The following PRCD variants were observed in gnomAD, a reference collection of about 807,000 sequenced individuals.
PRCD encodes the protein photoreceptor disc component, also known as photoreceptor disk component PRCD.
Under a neutral mutation model 10.1 loss-of-function variants are expected in PRCD, and 12 were observed. The ratio of observed to expected loss-of-function variants is 1.18; its 90% CI spans 0.76 to 1.92. PRCD has a LOEUF of 1.92. Ranked by LOEUF, PRCD falls within the 40% of genes most tolerant of loss-of-function variation. The pLI, the probability that PRCD is intolerant of heterozygous loss-of-function variation, is 0.00. For synonymous variants in PRCD, 31 were observed against 26.2 expected, an observed-to-expected ratio of 1.18 and a Z score of -0.56; for missense variants, 61 against 72.2, an observed-to-expected ratio of 0.84 and a Z score of 0.56.
intron 1 of PRCD, among the ~76,000 whole-genome samples, chr17:76,532,832 C>T (rs571055016): frequency 5.3e-5 from 8 of 152,286 alleles, no homozygotes; most frequent in South Asian, 2.1e-4. Context: ...CCACCACGCC[C>T]GGCCGACAAT....
chr17:76,530,039 G>T lies in PRCD; in HGVS notation n.45+2206G>T. ...AGCTGTGCCTGTGAACAGAAGGGCC[G>T]GCAGTCTTGGGGGCCCGTGCAGAGC... is the stretch of plus-strand genomic sequence containing the variant. On this transcript the variant is annotated intron_variant and non_coding_transcript_variant, in intron 1 of 4. Coordinates refer to the PRCD transcript ENST00000397633. The surrounding 1 kb of genome is among the most constrained non-coding windows in gnomAD (Gnocchi z 6.1). The T allele has an allele frequency of 1.0e-6, 1 of 985,426 alleles. No homozygotes were observed. The highest frequency in any genetic ancestry group is 4.7e-5 in the South Asian group (1 of 21,294). The allele number at this position is 985,426 out of a possible 1,614,324, so 61.0% of individuals were successfully genotyped here.
rs1289467698 is a variant in PRCD at position 76,543,865 on chromosome 17, G to C, written c.*215G>C. 3 of 471,030 alleles carry C rather than the reference G, an allele frequency of 6.4e-6. No individual in the cohort carries two copies. In the Admixed American group the frequency reaches 7.0e-5, roughly 11 times the overall value. The allele number at this position is 471,030 out of a possible 1,614,324, so 29.2% of individuals were successfully genotyped here. On this transcript the variant is annotated 3_prime_UTR_variant, in exon 5 of 5. Coordinates refer to ENST00000592014, the MANE Select transcript of PRCD (RefSeq NM_001077620.3). ...AATTATCAATAAGAAATGCCAGTTG[G>C]ATCTGTGACATGTCTGCCTGCAGCT...
intron 1 of PRCD, chr17:76,529,040 TTG>T: frequency 1.2e-6 from 1 of 808,832 alleles, no homozygotes; most frequent in South Asian, 6.2e-5. Context: ...CCTGCAGTCA[TTG>T]CGCCCCCCCC....
At chr17:76,543,005 A>G in intron 3 of PRCD, 24 bp from the exon 4 acceptor site, 1 of 484,326 alleles carries the variant, frequency 2.1e-6, no homozygotes, top group East Asian at 6.6e-5. Context: ...AGAAGTGCTG[A>G]TCTGCTCTGG....
Position 76,531,223 on chromosome 17 carries a change from T to G in PRCD, n.45+3390T>G. 2 of 1,428,820 alleles carry G rather than the reference T, an allele frequency of 1.4e-6. No homozygotes were observed. The highest frequency in any genetic ancestry group is 1.3e-5 in the South Asian group (1 of 78,848). The allele number at this position is 1,428,820 out of a possible 1,614,324, so 88.5% of individuals were successfully genotyped here. A position where few individuals can be genotyped will look rare whatever the true frequency, so the allele number is the denominator to read the frequency against. Reference sequence around the variant, plus strand: ...CCCCCAGGCCCCTCCGCCCCACGTGTGGCCGAGAGGATCATTCCTAACGCA... The same window carrying G: ...CCCCCAGGCCCCTCCGCCCCACGTGGGGCCGAGAGGATCATTCCTAACGCA... On this transcript the variant is annotated intron_variant and non_coding_transcript_variant, in intron 1 of 4. Coordinates refer to the PRCD transcript ENST00000397633. The surrounding 1 kb of genome is among the most constrained non-coding windows in gnomAD (Gnocchi z 7.4).
chr17:76,538,072 T>A (rs2074942593), upstream of PRCD: 1 of 152,752 alleles, frequency 6.5e-6, no homozygotes, highest in South Asian at 2.0e-4. Context: ...CGGGTCCCAG[T>A]GCTTGCGGCG....
rs986012220 is a variant in PRCD at position 76,528,168 on chromosome 17, A to G, written n.45+335A>G. ...TTTATATATAGCTCGTATATAGAAT[A>G]TATCTGTATATATGGTAGATGTGTG... On this transcript the variant is annotated intron_variant and non_coding_transcript_variant, in intron 1 of 4. Coordinates refer to the PRCD transcript ENST00000397633. The surrounding 1 kb of genome is among the most constrained non-coding windows in gnomAD (Gnocchi z 5.8). 3.1e-5 allele frequency: 12 copies of G among 392,896 alleles called. No homozygotes were observed. The highest frequency in any genetic ancestry group is 1.4e-4 in the South Asian group (1 of 7,226). 24.3% of individuals were successfully genotyped at this position (392,896 alleles called of 1,614,324 possible).
At chr17:76,545,956 G>A (rs1598217122), downstream of PRCD, 2 of 157,830 alleles carry the variant, frequency 1.3e-5, no homozygotes, top group African/African-American at 2.4e-5. Context: ...CATTGCTGGG[G>A]TGGGGAAGCC....
chr17:76,528,451 T>A lies in PRCD; in HGVS notation n.45+618T>A. 1 of 935,452 alleles carries A rather than the reference T, an allele frequency of 1.1e-6. No individual in the cohort carries two copies. Among genetic ancestry groups the A allele is most frequent in the Admixed American group, 4.3e-5 (1 of 23,316 alleles). The allele number at this position is 935,452 out of a possible 1,614,324, so 57.9% of individuals were successfully genotyped here. On this transcript the variant is annotated intron_variant and non_coding_transcript_variant, in intron 1 of 4. Coordinates refer to the PRCD transcript ENST00000397633. This position sits in a 1 kb window ranked among gnomAD's most constrained non-coding sequence, Gnocchi z 5.8. The stretch of plus-strand genomic sequence containing the variant: ...GACCCTGGCCGCCACAGAGGCCTCC[T>A]TCGGGGAAGTTGAGTCAGGGATTCC...
chr17:76,536,896 C>T (rs1001683357), upstream of PRCD, among the ~76,000 whole-genome samples: 29 of 152,206 alleles, frequency 1.9e-4, no homozygotes, highest in African/African-American at 6.8e-4. Context: ...CCCCCGGGCT[C>T]TCCTCTTTCT....
rs2074846530 is a variant in PRCD at position 76,531,708 on chromosome 17, G to C, written n.45+3875G>C. On this transcript the variant is annotated intron_variant and non_coding_transcript_variant, in intron 1 of 4. Transcript: ENST00000397633. The surrounding 1 kb of genome is among the most constrained non-coding windows in gnomAD (Gnocchi z 7.4). ...ACAAAGAACCTGGCAAGAGGAACAG[G>C]GGTGGTCGCTGAAGCTGGAGGCTGC... is the stretch of plus-strand genomic sequence containing the variant. 1 of 1,572,204 alleles carries C rather than the reference G, an allele frequency of 6.4e-7. No homozygotes were observed.
Position 76,540,590 on chromosome 17 carries a change from G to T in PRCD, c.143+17G>T, listed in dbSNP as rs778402370. On this transcript the variant is annotated intron_variant, in intron 2 of 4. Coordinates refer to ENST00000592014, the MANE Select transcript of PRCD (RefSeq NM_001077620.3). This position sits in a 1 kb window ranked among gnomAD's most constrained non-coding sequence, Gnocchi z 5.0. Reference sequence around the variant, plus strand: ...CTCAGGCAGGTAAGGCAGGAGTCTGGGCTGGGGGAGGGAGGGTGCTGCCAA... The same window carrying T: ...CTCAGGCAGGTAAGGCAGGAGTCTGTGCTGGGGGAGGGAGGGTGCTGCCAA... 6.2e-7 allele frequency: 1 copy of T among 1,612,168 alleles called. No homozygotes were observed. The highest frequency in any genetic ancestry group is 2.2e-5 in the East Asian group (1 of 44,866).
chr17:76,532,118 G>GTCA, intron 1 of PRCD: 1 of 166,354 alleles, frequency 6.0e-6, no homozygotes, highest in Admixed American at 5.5e-5. Flanking sequence ...CTTTCATGAA[G>GTCA]TCATGCTTAT....
At chr17:76,552,630 G>A (rs945241402) in intron 1 of PRCD, among the ~76,000 whole-genome samples, 1 of 151,832 alleles carries the variant, frequency 6.6e-6, no homozygotes, top group Non-Finnish European at 1.5e-5. Flanking sequence ...TTGGGAGGCT[G>A]AAGTGGGTGG....
chr17:76,552,508 A>T (rs2075117344), intron 1 of PRCD, among the ~76,000 whole-genome samples: 1 of 151,904 alleles, frequency 6.6e-6, no homozygotes, highest in Admixed American at 6.6e-5. Flanking sequence ...CTAAAATCTC[A>T]CATTTTGTAA....
At chr17:76,534,380 TGCTGGCCAG>T (rs2074891002) in intron 1 of PRCD, among the ~76,000 whole-genome samples, 1 of 152,176 alleles carries the variant, frequency 6.6e-6, no homozygotes, top group African/African-American at 2.4e-5. Context: ...GGTTTCGCCA[TGCTGGCCAG>T]GCTGGTGTCG....
rs2074840625 is a variant in PRCD, at chr17:76,531,408, A to G, written n.45+3575A>G. The G allele has an allele frequency of 6.4e-7, 1 of 1,570,780 alleles. No homozygotes were observed. The highest frequency in any genetic ancestry group is 1.3e-5 in the African/African-American group (1 of 74,294). ...CCGTCGCAGAGCCTGCGAGCTGCAG[A>G]TGGCCATGACGCGTGGGCGGTGGGG... On this transcript the variant is annotated intron_variant and non_coding_transcript_variant, in intron 1 of 4. Transcript: ENST00000397633. The surrounding 1 kb of genome is among the most constrained non-coding windows in gnomAD (Gnocchi z 7.4).
At chr17:76,538,674 G>C (rs966920020), upstream of PRCD, among the ~76,000 whole-genome samples, 1 of 152,260 alleles carries the variant, frequency 6.6e-6, no homozygotes, top group African/African-American at 2.4e-5. Flanking sequence ...GGGCCTGGGG[G>C]AGGCAAATCC....
chr17:76,537,364 C>T (rs776973279), upstream of PRCD: 7 of 1,559,526 alleles, frequency 4.5e-6, no homozygotes, highest in East Asian at 1.8e-4. Context: ...TGCCGCCCTC[C>T]CTGCCCAGGG....
Sources: allele counts gnomAD v4.1 joint callset (sites outside exome capture counted in the v4.1 genomes callset), GRCh38; gene constraint gnomAD v4.1.1; non-coding constraint Gnocchi (gnomAD v3.1); transcripts MANE v1.5; gene names NCBI Gene and HGNC (gene_info 2026-07-23, HGNC 2026-07-21).